The following RBFOX1 variants were observed in gnomAD, a reference collection of about 807,000 sequenced individuals.
RBFOX1 encodes RNA binding fox-1 homolog 1, also known as RNA binding protein fox-1 homolog 1.
A neutral mutation model predicts 57.7 loss-of-function variants in RBFOX1; 8 were observed. That is an observed-to-expected ratio of 0.14 (90% CI 0.08 to 0.25). The LOEUF (loss-of-function observed/expected upper bound fraction) is 0.25, where lower values mean the gene tolerates loss of function less well. RBFOX1 is among the 10% of genes least tolerant of loss of function. The pLI is 1.00. For missense variants in RBFOX1, 611 were observed against 548.5 expected (o/e 1.11, Z -1.14); for synonymous variants, 326 against 222.4 (o/e 1.47, Z -4.15).
chr16:5,310,058 G>T (rs1490903336), intron 1 of RBFOX1, among the ~76,000 whole-genome samples: 1 of 152,156 alleles, frequency 6.6e-6, no homozygotes, highest in Non-Finnish European at 1.5e-5. Context: ...TTAGGATTCA[G>T]CTCTAATGTT....
intron 3 of RBFOX1, among the ~76,000 whole-genome samples, chr16:6,836,963 G>A (rs953455676): frequency 1.3e-5 from 2 of 152,134 alleles, no homozygotes; most frequent in African/African-American, 4.8e-5. Context: ...TGGAAGGATG[G>A]CTGGATGGGT....
At chr16:5,266,548 G>GGTT (rs1555471946) in intron 1 of RBFOX1, among the ~76,000 whole-genome samples, 1 of 128,034 alleles carries the variant, frequency 7.8e-6, no homozygotes, top group African/African-American at 3.0e-5. Context: ...GAAATGTTCA[G>GGTT]TTTTTTTTTT....
intron 2 of RBFOX1, among the ~76,000 whole-genome samples, chr16:6,320,398 G>T (rs1474806308): frequency 6.6e-6 from 1 of 152,082 alleles, no homozygotes; most frequent in Non-Finnish European, 1.5e-5. Flanking sequence ...GTGATGGGTT[G>T]TTTGGGTGAT....
At chr16:6,915,489 T>C (rs1420416844) in intron 3 of RBFOX1, among the ~76,000 whole-genome samples, 1 of 152,024 alleles carries the variant, frequency 6.6e-6, no homozygotes, top group East Asian at 1.9e-4. Flanking sequence ...CTTCCTACTA[T>C]AGCCTAAATC....
intron 1 of RBFOX1, among the ~76,000 whole-genome samples, chr16:5,280,107 C>G (rs1490175412): frequency 6.6e-6 from 1 of 152,018 alleles, no homozygotes; most frequent in Non-Finnish European, 1.5e-5. Context: ...TTGAAGTGTT[C>G]CTTGTATGCC....
At chr16:6,880,946 G>C (rs1467553586) in intron 3 of RBFOX1, among the ~76,000 whole-genome samples, 3 of 152,160 alleles carry the variant, frequency 2.0e-5, no homozygotes, top group Non-Finnish European at 4.4e-5. Flanking sequence ...TACATTAGGA[G>C]ATTCAATCTA....
At chr16:5,596,489 C>T (rs1430673147) in intron 2 of RBFOX1, among the ~76,000 whole-genome samples, 2 of 152,166 alleles carry the variant, frequency 1.3e-5, no homozygotes, top group East Asian at 1.9e-4. Context: ...TTGATTCATG[C>T]TGCCTGGGGC....
At chr16:5,565,993 G>C (rs760921933) in intron 2 of RBFOX1, among the ~76,000 whole-genome samples, 1 of 152,120 alleles carries the variant, frequency 6.6e-6, no homozygotes, top group Non-Finnish European at 1.5e-5. Flanking sequence ...AGTCTCCTGA[G>C]ATCTGATGAT....
In RBFOX1 at chr16:6,713,600, A is replaced by G. The variant is rs139795158; in HGVS notation, c.-16+58950A>G. Among the ~76,000 whole-genome samples the G allele has an allele frequency of 2.4e-3, 364 of 152,232 alleles. 2 individuals carry two copies. The highest frequency in any genetic ancestry group is 8.1e-3 in the African/African-American group (336 of 41,542). ...ATTTTCAAGTGTCCCTTTGTGGGCA[A>G]AAATAAAAATCCTTCCTTTCTCCAT... On this transcript the variant is annotated intron_variant, in intron 3 of 15. Transcript: ENST00000550418.
chr16:6,590,380 T>TC (rs1284490019), intron 2 of RBFOX1, among the ~76,000 whole-genome samples: 1 of 152,182 alleles, frequency 6.6e-6, no homozygotes, highest in Non-Finnish European at 1.5e-5. Flanking sequence ...CTGGGGTTTT[T>TC]CAGTAGTGCT....
chr16:7,371,696 G>C (rs1357563361), intron 4 of RBFOX1, among the ~76,000 whole-genome samples: 1 of 152,168 alleles, frequency 6.6e-6, no homozygotes, highest in Non-Finnish European at 1.5e-5. Flanking sequence ...GTTGCAGTGA[G>C]CTGAGATCAC....
chr16:6,822,399 G>A (rs1020804563), intron 3 of RBFOX1, among the ~76,000 whole-genome samples: 8 of 152,314 alleles, frequency 5.3e-5, no homozygotes, highest in African/African-American at 1.9e-4. Context: ...GGAGATGCCA[G>A]CAAGTCTTTT....
At chr16:6,237,859 C>T (rs997744953) in intron 1 of RBFOX1, among the ~76,000 whole-genome samples, 1 of 151,820 alleles carries the variant, frequency 6.6e-6, no homozygotes, top group African/African-American at 2.4e-5. Flanking sequence ...TTTGGGAGGC[C>T]AAGGTGGGCG....
intron 3 of RBFOX1, among the ~76,000 whole-genome samples, chr16:6,975,191 A>C (rs1294688916): frequency 6.6e-6 from 1 of 152,158 alleles, no homozygotes; most frequent in South Asian, 2.1e-4. Flanking sequence ...AGGTAAAGAG[A>C]GTGAAGCATC....
At chr16:6,471,644 T>C (rs982499317) in intron 2 of RBFOX1, among the ~76,000 whole-genome samples, 1 of 151,716 alleles carries the variant, frequency 6.6e-6, no homozygotes, top group Non-Finnish European at 1.5e-5. Flanking sequence ...AGTATTGGGA[T>C]TGTATTTCTG....
chr16:7,493,821 C>G (rs577548284), intron 4 of RBFOX1, among the ~76,000 whole-genome samples: 5 of 152,198 alleles, frequency 3.3e-5, no homozygotes, highest in Middle Eastern at 3.2e-3. Context: ...CACAATGTTT[C>G]TGGTAATTTG....
chr16:6,438,272 A>T (rs1295708822), intron 2 of RBFOX1, among the ~76,000 whole-genome samples: 1 of 152,324 alleles, frequency 6.6e-6, no homozygotes, highest in East Asian at 1.9e-4. Flanking sequence ...ACTAAATTGT[A>T]TCCTGAGAGA....
At chr16:6,488,048 G>C (rs952992546) in intron 2 of RBFOX1, among the ~76,000 whole-genome samples, 19 of 152,116 alleles carry the variant, frequency 1.2e-4, no homozygotes, top group African/African-American at 4.6e-4. Context: ...TTTACTCCAC[G>C]CTTTCAATCC....
At chr16:5,386,365 G>T (rs1042001789) in intron 1 of RBFOX1, among the ~76,000 whole-genome samples, 1 of 152,068 alleles carries the variant, frequency 6.6e-6, no homozygotes. Context: ...GGCCCCAGGG[G>T]AAAAGGTAGA....
Sources: allele counts gnomAD v4.1 joint callset (sites outside exome capture counted in the v4.1 genomes callset), GRCh38; gene constraint gnomAD v4.1.1; transcripts MANE v1.5; gene names NCBI Gene and HGNC (gene_info 2026-07-23, HGNC 2026-07-21).